DSCAML1: variants seen among roughly 807,000 people sequenced by gnomAD.
The protein encoded by DSCAML1 is cell adhesion molecule DSCAML1.
A neutral mutation model predicts 200.5 loss-of-function variants in DSCAML1; 38 were observed. The observed-to-expected ratio is 0.19, with a 90% CI of 0.15 to 0.25. The LOEUF is 0.25. Among genes scored for constraint, DSCAML1 ranks in the 10% least tolerant of loss-of-function variants. The pLI is 1.00. For missense variants in DSCAML1, 2,223 were observed against 2,858.8 expected, an observed-to-expected ratio of 0.78 and a Z score of 5.07; for synonymous variants, 1,215 against 1,165.0, an observed-to-expected ratio of 1.04 and a Z score of -0.87.
At chr11:117,658,687 T>C (rs2052781625) in intron 3 of DSCAML1, among the ~76,000 whole-genome samples, 1 of 152,138 alleles carries the variant, frequency 6.6e-6, no homozygotes, top group Non-Finnish European at 1.5e-5. Flanking sequence ...ATATAAGCAT[T>C]AGGAAGAGGC....
chr11:117,484,447 C>G (rs1276811961), intron 11 of DSCAML1, among the ~76,000 whole-genome samples: 1 of 152,338 alleles, frequency 6.6e-6, no homozygotes, highest in East Asian at 1.9e-4. Flanking sequence ...TCCCCAGCCC[C>G]AGCTCATCAA....
At chr11:117,522,574 A>G (rs77942484) in intron 5 of DSCAML1, among the ~76,000 whole-genome samples, 2,165 of 152,300 alleles carry the variant, frequency 0.014, 42 homozygotes, top group African/African-American at 0.048. Context: ...TTGCAAGCTC[A>G]TGTGGGCCGA....
At chr11:117,768,200 G>T (rs930165475) in intron 3 of DSCAML1, among the ~76,000 whole-genome samples, 1 of 152,138 alleles carries the variant, frequency 6.6e-6, no homozygotes, top group Non-Finnish European at 1.5e-5. Context: ...GTACAAAACC[G>T]CACCTCCATT....
intron 3 of DSCAML1, among the ~76,000 whole-genome samples, chr11:117,743,538 C>T (rs1445497418): frequency 1.3e-5 from 2 of 152,150 alleles, no homozygotes; most frequent in Non-Finnish European, 2.9e-5. Context: ...TGCTGAGCAG[C>T]GTCTGACACC....
intron 3 of DSCAML1, among the ~76,000 whole-genome samples, chr11:117,587,161 A>G (rs1456182649): frequency 6.6e-6 from 1 of 151,702 alleles, no homozygotes; most frequent in Non-Finnish European, 1.5e-5. Context: ...AAGACTTTTG[A>G]CCACCACCCT....
chr11:117,671,539 C>T (rs950399959), intron 3 of DSCAML1, among the ~76,000 whole-genome samples: 12 of 152,222 alleles, frequency 7.9e-5, no homozygotes, highest in African/African-American at 2.4e-4. Context: ...AAGCCAATTA[C>T]CAAAGGATTG....
At chr11:117,514,068 A>AGT (rs1329383341) in intron 8 of DSCAML1, among the ~76,000 whole-genome samples, 1 of 152,136 alleles carries the variant, frequency 6.6e-6, no homozygotes, top group Non-Finnish European at 1.5e-5. Flanking sequence ...TGCTGCCGAT[A>AGT]GTGTGTGTGT....
chr11:117,730,975 T>C (rs2054206981), intron 3 of DSCAML1, among the ~76,000 whole-genome samples: 1 of 152,170 alleles, frequency 6.6e-6, no homozygotes, highest in Admixed American at 6.5e-5. Context: ...CACAGATTAG[T>C]GTTTGCCTCG....
At chr11:117,496,760 G>T (rs1200602252) in intron 11 of DSCAML1, among the ~76,000 whole-genome samples, 1 of 152,236 alleles carries the variant, frequency 6.6e-6, no homozygotes, top group Non-Finnish European at 1.5e-5. Flanking sequence ...TTAGGGACAA[G>T]CACTTTTAAA....
chr11:117,465,575 C>T (rs556392105), intron 16 of DSCAML1, among the ~76,000 whole-genome samples: 1 of 152,312 alleles, frequency 6.6e-6, no homozygotes, highest in Admixed American at 6.5e-5. Context: ...GTTTATTTTC[C>T]TCCACAGCAC....
chr11:117,581,706 TC>T (rs1276349218), intron 3 of DSCAML1, among the ~76,000 whole-genome samples: 3 of 152,144 alleles, frequency 2.0e-5, no homozygotes, highest in African/African-American at 7.2e-5. Context: ...ACTATTATTA[TC>T]CCCGTTTTAT....
intron 1 of DSCAML1, among the ~76,000 whole-genome samples, chr11:117,792,343 G>A (rs1018391004): frequency 1.3e-5 from 2 of 152,028 alleles, no homozygotes; most frequent in Admixed American, 6.5e-5. Context: ...AACCATTCCC[G>A]AGGCCACACT....
Position 117,675,102 on chromosome 11 carries a change from T to C in DSCAML1, c.511+101689A>G, listed in dbSNP as rs192844572. 7.9e-4 allele frequency among the ~76,000 whole-genome samples: 121 copies of C among 152,250 alleles called. 1 individual carries two copies. The highest frequency in any genetic ancestry group is 3.4e-3 in the Middle Eastern group (1 of 294). On this transcript the variant is annotated intron_variant, in intron 3 of 32. Transcript: ENST00000651296. Reference sequence around the variant, plus strand: ...CTGTTTCCCATTTGTAAAAAGAAGATAGTAATAGCAACTCCTCCACAAGCA... The same window carrying C: ...CTGTTTCCCATTTGTAAAAAGAAGACAGTAATAGCAACTCCTCCACAAGCA...
chr11:117,714,810 G>A (rs1459043392), intron 3 of DSCAML1, among the ~76,000 whole-genome samples: 2 of 99,812 alleles, frequency 2.0e-5, no homozygotes, highest in African/African-American at 7.5e-5. Context: ...AGACAAGAGT[G>A]AAACTTCATC....
At chr11:117,811,221 C>T (rs573594075) in intron 1 of DSCAML1, among the ~76,000 whole-genome samples, 43 of 152,120 alleles carry the variant, frequency 2.8e-4, no homozygotes, top group Non-Finnish European at 4.7e-4. Context: ...AAACCCCAGC[C>T]GAGTTCATGG....
In DSCAML1 at chr11:117,536,824, T is replaced by G. The variant is rs895567197; in HGVS notation, c.512-4302A>C. Among the ~76,000 whole-genome samples the G allele has an allele frequency of 2.9e-4, 44 of 152,334 alleles. 1 individual carries two copies. The highest frequency in any genetic ancestry group is 9.4e-4 in the African/African-American group (39 of 41,576). ...CTGCTTTTCTTCCTTTTATTATTACTACAAAGACCCTGACCTGTTTTGCCA... is the reference window on the plus strand; with the variant it reads ...CTGCTTTTCTTCCTTTTATTATTACGACAAAGACCCTGACCTGTTTTGCCA... On this transcript the variant is annotated intron_variant, in intron 3 of 32. Coordinates refer to ENST00000651296, the MANE Select transcript of DSCAML1 (RefSeq NM_020693.4).
chr11:117,619,922 A>G (rs2051890986), intron 3 of DSCAML1, among the ~76,000 whole-genome samples: 1 of 152,166 alleles, frequency 6.6e-6, no homozygotes, highest in Admixed American at 6.5e-5. Flanking sequence ...TGACTCTTCT[A>G]TGTATTAGCT....
At chr11:117,549,928 T>C (rs957501065) in intron 3 of DSCAML1, among the ~76,000 whole-genome samples, 20 of 152,202 alleles carry the variant, frequency 1.3e-4, no homozygotes, top group Non-Finnish European at 2.2e-4. Context: ...AACATTTGTG[T>C]TGTGAACATG....
Position 117,480,522 on chromosome 11 carries a change from G to A in DSCAML1, c.2706C>T (p.Ser902=). The part of the protein sequence containing the change: ...ELEIREVKAR[S]MNLRWTQRFD... ...ATCGCTGGGTCCAGCGCAGGTTCAT[G>A]CTCCGGGCCTTCACCTCCCGGATCT... The change falls in exon 14 of 33, where the codon AGC becomes AGT. Residue 902 remains serine (S), a synonymous_variant. Coordinates refer to ENST00000651296, the MANE Select transcript of DSCAML1 (RefSeq NM_020693.4). This position sits in a 1 kb window ranked among gnomAD's most constrained non-coding sequence, Gnocchi z 4.1. 6.3e-7 allele frequency: 1 copy of A among 1,596,284 alleles called. No homozygotes were observed. The highest frequency in any genetic ancestry group is 8.5e-7 in the Non-Finnish European group (1 of 1,171,052).
Sources: allele counts gnomAD v4.1 joint callset (sites outside exome capture counted in the v4.1 genomes callset), GRCh38; gene constraint gnomAD v4.1.1; non-coding constraint Gnocchi (gnomAD v3.1); transcripts MANE v1.5; gene names NCBI Gene and HGNC (gene_info 2026-07-23, HGNC 2026-07-21).